Variants in ADAMTS5 observed in about 807,000 individuals in gnomAD.
ADAMTS5 encodes A disintegrin and metalloproteinase with thrombospondin motifs 5.
ADAMTS5 carries 54 observed loss-of-function variants against 81.4 expected under a neutral mutation model. The ratio of observed to expected loss-of-function variants is 0.66; its 90% confidence interval spans 0.53 to 0.83. The LOEUF (loss-of-function observed/expected upper bound fraction) is 0.83, where lower values mean the gene tolerates loss of function less well. Ranked by LOEUF, ADAMTS5 falls within the 40% of genes least tolerant of loss-of-function variation. The pLI is 0.00. For missense variants in ADAMTS5, 1,194 were observed against 1,229.9 expected, an observed-to-expected ratio of 0.97 and a Z score of 0.44; for synonymous variants, 532 against 508.8, an observed-to-expected ratio of 1.05 and a Z score of -0.61.
intron 3 of ADAMTS5, among the ~76,000 whole-genome samples, chr21:26,937,021 C>G (rs1002927600): frequency 6.6e-6 from 1 of 152,186 alleles, no homozygotes; most frequent in African/African-American, 2.4e-5. Context: ...CTAAAAAGCA[C>G]AGACCATAAG....
rs761255313 is a variant in ADAMTS5 at position 26,932,996 on chromosome 21, A to C, written c.1738T>G (p.Ser580Ala). Residue 580 changes from serine to alanine, a missense_variant, in exon 5 of 8, where the codon TCT (serine) becomes GCT (alanine). Ser to Ala is a moderately conservative substitution (Grantham distance 99). Coordinates refer to ENST00000284987, the MANE Select transcript of ADAMTS5 (RefSeq NM_007038.5). Reference protein sequence around the residue: ...WGSWGSWGQCSRSCGGGVQFA... With the variant: ...WGSWGSWGQCARSCGGGVQFA... ...TGCACTCCTCCTCCACATGAGCGAG[A>C]ACACTGGCCCCAGGATCCCCAAGAT... 83 of 1,613,830 alleles carry C rather than the reference A, an allele frequency of 5.1e-5. No homozygotes were observed. Among genetic ancestry groups the C allele is most frequent in the Admixed American group, 8.3e-5 (5 of 59,954 alleles).
rs1408451604 is a variant in ADAMTS5, at chr21:26,944,039, G to T, written c.1238-492C>A. The stretch of plus-strand genomic sequence containing the variant: ...TAGTAGATGGTTTTTGAATGTCAGT[G>T]ACTTATTTTCTTAGTCAAGTAAATA... On this transcript the variant is annotated intron_variant, in intron 2 of 7. Transcript: ENST00000284987. Among the ~76,000 whole-genome samples the T allele has an allele frequency of 2.0e-5, 3 of 152,242 alleles. No individual in the cohort carries two copies. In the East Asian group the frequency reaches 5.8e-4, roughly 29 times the overall value.
chr21:26,943,532 A>G lies in ADAMTS5; in HGVS notation c.1253T>C (p.Leu418Pro). Residue 418 changes from leucine to proline, a missense_variant, in exon 3 of 8, where the codon CTC (leucine) becomes CCC (proline). By Grantham distance (98) the Leu-to-Pro change is moderately conservative (BLOSUM62 -3). Coordinates refer to ENST00000284987, the MANE Select transcript of ADAMTS5 (RefSeq NM_007038.5). ...VAHEIGHLLGLSHDDSKFCEE... is the reference protein window; with the variant it reads ...VAHEIGHLLGPSHDDSKFCEE... ...ACAGAATTTGGAATCGTCATGGGAG[A>G]GGCCAAGTAAATGTCCTAAGGGAGA... The G allele has an allele frequency of 6.2e-7, 1 of 1,613,316 alleles. No individual in the cohort carries two copies.
At position 26,921,296 on chromosome 21, in the gene ADAMTS5, A is replaced by G. The variant is rs1453914598; in HGVS notation, c.*2757T>C. The G allele has an allele frequency of 1.3e-5, 2 of 152,340 alleles. No individual in the cohort carries two copies. Among genetic ancestry groups the G allele is most frequent in the East Asian group, 1.9e-4 (1 of 5,200 alleles). 9.4% of individuals were successfully genotyped at this position (152,340 alleles called of 1,614,324 possible). Reference sequence around the variant, plus strand: ...CAATGCCCACATATTTCTAAACAGCAAGGCAGGGCTTAATTTAAATTTTTC... The same window carrying G: ...CAATGCCCACATATTTCTAAACAGCGAGGCAGGGCTTAATTTAAATTTTTC... On this transcript the variant is annotated 3_prime_UTR_variant, in exon 8 of 8. Coordinates refer to ENST00000284987, the MANE Select transcript of ADAMTS5 (RefSeq NM_007038.5).
intron 2 of ADAMTS5, among the ~76,000 whole-genome samples, chr21:26,951,107 T>C (rs1987308306): frequency 6.6e-6 from 1 of 152,180 alleles, no homozygotes; most frequent in Non-Finnish European, 1.5e-5. Flanking sequence ...TTTGATTCAG[T>C]TTATTCATGC....
chr21:26,965,641 C>T lies in ADAMTS5; in HGVS notation c.751G>A (p.Gly251Arg). 1 of 1,597,054 alleles carries T rather than the reference C, an allele frequency of 6.3e-7. No homozygotes were observed. Residue 251 changes from glycine to arginine, a missense_variant, in exon 1 of 8, where the codon GGA becomes AGA. Gly to Arg is a moderately radical substitution (Grantham distance 125). Coordinates refer to ENST00000284987, the MANE Select transcript of ADAMTS5 (RefSeq NM_007038.5). ...CGCCGCCGCCACCACGTCTGCGGTCCTGAGCCCCCAGCGGGCGAGAGAGCG... is the reference window on the plus strand; with the variant it reads ...CGCCGCCGCCACCACGTCTGCGGTCTTGAGCCCCCAGCGGGCGAGAGAGCG... ...QSALSPAGGS[G>R]PQTWWRRRRR... is the part of the protein sequence containing the mutation.
rs1419822190 is a variant in ADAMTS5 at position 26,921,579 on chromosome 21, A to G, written c.*2474T>C. On this transcript the variant is annotated 3_prime_UTR_variant, in exon 8 of 8. Transcript: ENST00000284987. ...AGTGGACTGACTTAGATTGAGTTGT[A>G]TAGAATTTTCCCTTTGTTCACAATT... 1 of 152,412 alleles carries G rather than the reference A, an allele frequency of 6.6e-6. No homozygotes were observed. Among genetic ancestry groups the G allele is most frequent in the East Asian group, 1.9e-4 (1 of 5,188 alleles). The allele number at this position is 152,412 out of a possible 1,614,324, so 9.4% of individuals were successfully genotyped here.
rs550165887 is a variant in ADAMTS5, at chr21:26,962,766, C to T, written c.1104+2522G>A. On this transcript the variant is annotated intron_variant, in intron 1 of 7. Coordinates refer to ENST00000284987, the MANE Select transcript of ADAMTS5 (RefSeq NM_007038.5). ...CTTGGTGCCAACTCTGGGTATTTCT[C>T]ATTGAAAAGGAAATAGCTCTGAAAG... Among the ~76,000 whole-genome samples, 589 of 152,200 alleles carry T rather than the reference C, an allele frequency of 3.9e-3. 4 individuals are homozygous for T. The highest frequency in any genetic ancestry group is 6.8e-3 in the Non-Finnish European group (464 of 68,006).
At chr21:26,952,647 A>G (rs1489011534) in intron 2 of ADAMTS5, among the ~76,000 whole-genome samples, 1 of 152,232 alleles carries the variant, frequency 6.6e-6, no homozygotes, top group African/African-American at 2.4e-5. Flanking sequence ...CCTTTAAGGA[A>G]TGTGGAATCT....
In ADAMTS5 at chr21:26,923,077, T is replaced by C. The variant is rs1452177689; in HGVS notation, c.*976A>G. On this transcript the variant is annotated 3_prime_UTR_variant, in exon 8 of 8. Coordinates refer to ENST00000284987, the MANE Select transcript of ADAMTS5 (RefSeq NM_007038.5). ...CCAGTGTTGAATGTGTTGGACATGA[T>C]AGAAAACTTGCTGTGTGTTTTGTAC... is the stretch of plus-strand genomic sequence containing the variant. 1 of 152,198 alleles carries C rather than the reference T, an allele frequency of 6.6e-6. No homozygotes were observed. The highest frequency in any genetic ancestry group is 1.5e-5 in the Non-Finnish European group (1 of 68,018). 9.4% of individuals were successfully genotyped at this position (152,198 alleles called of 1,614,324 possible).
chr21:26,931,995 T>C lies in ADAMTS5; in HGVS notation c.2049+9A>G, dbSNP rs1415992395. On this transcript the variant is annotated intron_variant, in intron 6 of 7. Coordinates refer to ENST00000284987, the MANE Select transcript of ADAMTS5 (RefSeq NM_007038.5). ...GCCTACTGCTTCTGGACAGTTGGTG[T>C]GTAGTTACCTTTGGAGAAAATACCA... The C allele has an allele frequency of 1.2e-6, 2 of 1,605,662 alleles. No homozygotes were observed. The highest frequency in any genetic ancestry group is 2.7e-5 in the African/African-American group (2 of 74,714).
chr21:26,952,178 TAAAC>T (rs758758433), intron 2 of ADAMTS5, among the ~76,000 whole-genome samples: 32 of 152,078 alleles, frequency 2.1e-4, no homozygotes, highest in African/African-American at 5.1e-4. Flanking sequence ...TCTAAAGAAA[TAAAC>T]AAAGATGATC....
intron 1 of ADAMTS5, among the ~76,000 whole-genome samples, chr21:26,960,158 C>G (rs1382486745): frequency 2.6e-5 from 4 of 152,100 alleles, no homozygotes; most frequent in African/African-American, 9.7e-5. Flanking sequence ...ATTTCTTGAC[C>G]CAATCTATGC....
At chr21:26,928,341 T>C (rs569812306) in intron 7 of ADAMTS5, among the ~76,000 whole-genome samples, 1 of 152,314 alleles carries the variant, frequency 6.6e-6, no homozygotes, top group South Asian at 2.1e-4. Flanking sequence ...ATTTGTACCA[T>C]AGTAGAATCT....
In ADAMTS5 at chr21:26,937,052, C is replaced by G. The variant is rs1987027242; in HGVS notation, c.1406-2303G>C. On this transcript the variant is annotated intron_variant, in intron 3 of 7. Transcript: ENST00000284987. ...ATAAGACTGGGTAACTAAATATTAG[C>G]TAGGAAGTCTTTACCATGTGTGCAT... Among the ~76,000 whole-genome samples, 3 of 152,124 alleles carry G rather than the reference C, an allele frequency of 2.0e-5. No homozygotes were observed. In the South Asian group the frequency reaches 6.2e-4, roughly 31 times the overall value.
intron 6 of ADAMTS5, 55 bp downstream of exon 6, chr21:26,931,949 C>A: frequency 6.6e-7 from 1 of 1,504,974 alleles, no homozygotes; most frequent in South Asian, 1.4e-5. Flanking sequence ...CTTCATTCTA[C>A]CAAATAATTT....
rs752618797 is a variant in ADAMTS5, at chr21:26,934,600, A to G, written c.1555T>C (p.Cys519Arg). Reference protein sequence around the residue: ...PGMDVCARLWCAVVRQGQMVC... With the variant: ...PGMDVCARLWRAVVRQGQMVC... Reference sequence around the variant, plus strand: ...ATCTGGCCCTGGCGTACCACAGCACACCACAGGCGAGCACAGACATCCATG... The same window carrying G: ...ATCTGGCCCTGGCGTACCACAGCACGCCACAGGCGAGCACAGACATCCATG... The change falls in exon 4 of 8, where the codon TGT (cysteine) becomes CGT (arginine). Residue 519 changes from cysteine (C) to arginine (R), a missense_variant. By Grantham distance (180) the Cys-to-Arg change is radical (BLOSUM62 -3). Coordinates refer to ENST00000284987, the MANE Select transcript of ADAMTS5 (RefSeq NM_007038.5). 7.4e-6 allele frequency: 12 copies of G among 1,614,016 alleles called. No individual in the cohort carries two copies. The highest frequency in any genetic ancestry group is 8.5e-7 in the Non-Finnish European group (1 of 1,180,036).
chr21:26,959,166 C>A (rs935686871), intron 1 of ADAMTS5, among the ~76,000 whole-genome samples: 2 of 152,126 alleles, frequency 1.3e-5, no homozygotes, highest in Non-Finnish European at 2.9e-5. Context: ...TTGACGGAGT[C>A]ATTCTGGTAA....
intron 3 of ADAMTS5, 98 bp from the exon 4 acceptor site, chr21:26,934,847 C>T: frequency 6.8e-7 from 1 of 1,472,486 alleles, no homozygotes. Flanking sequence ...GGTGTTGGAG[C>T]ACGAGGCACC....
Sources: allele counts gnomAD v4.1 joint callset (sites outside exome capture counted in the v4.1 genomes callset), GRCh38; gene constraint gnomAD v4.1.1; transcripts MANE v1.5; gene names NCBI Gene and HGNC (gene_info 2026-07-23, HGNC 2026-07-21).